Variants in QTGAL observed in about 807,000 individuals in gnomAD.
The protein encoded by QTGAL is BGnT-like protein 1.
chr17:82,970,682 A>ACCTC, the QTGAL span, among the ~76,000 whole-genome samples: 9 of 147,036 alleles, frequency 6.1e-5, no homozygotes, highest in Non-Finnish European at 1.1e-4. Flanking sequence ...CGTGGCCGTG[A>ACCTC]TGCGAGGCCT....
At chr17:82,978,490 G>A in the QTGAL span, 2 of 152,026 alleles carry the variant, frequency 1.3e-5, no homozygotes, top group Admixed American at 1.3e-4. The surrounding 1 kb of genome is among the most constrained non-coding windows in gnomAD (Gnocchi z 4.8). Context: ...AGGAATTCCG[G>A]GCTCTTCGAT....
the QTGAL span, among the ~76,000 whole-genome samples, chr17:83,044,478 A>C: frequency 6.6e-6 from 1 of 152,236 alleles, no homozygotes; most frequent in African/African-American, 2.4e-5. Flanking sequence ...AATTAAAAGG[A>C]AACCTCCTTA....
chr17:82,954,198 C>T, the QTGAL span, among the ~76,000 whole-genome samples: 2 of 152,152 alleles, frequency 1.3e-5, no homozygotes, highest in African/African-American at 4.8e-5. Flanking sequence ...GAGAGGAAGT[C>T]AAATTGTCTC....
the QTGAL span, among the ~76,000 whole-genome samples, chr17:82,982,485 C>CG: frequency 6.6e-6 from 1 of 152,094 alleles, no homozygotes; most frequent in African/African-American, 2.4e-5. Flanking sequence ...CGGAGATCCT[C>CG]TTCCCTCCCG....
the QTGAL span, among the ~76,000 whole-genome samples, chr17:82,982,736 A>C: frequency 6.6e-6 from 1 of 152,068 alleles, no homozygotes; most frequent in Non-Finnish European, 1.5e-5. Flanking sequence ...AGAAAATGTG[A>C]CTCTAAAGGC....
At chr17:83,037,369 C>T in the QTGAL span, among the ~76,000 whole-genome samples, 3 of 152,250 alleles carry the variant, frequency 2.0e-5, no homozygotes, top group Non-Finnish European at 4.4e-5. The surrounding 1 kb of genome is among the most constrained non-coding windows in gnomAD (Gnocchi z 5.2). Context: ...CGTTCTCCAA[C>T]CCGGAGCAGT....
At chr17:82,967,131 G>A in the QTGAL span, among the ~76,000 whole-genome samples, 1 of 152,178 alleles carries the variant, frequency 6.6e-6, no homozygotes, top group African/African-American at 2.4e-5. Context: ...TCTGAACTTT[G>A]CATCTGCAAA....
At chr17:83,019,555 C>T in the QTGAL span, among the ~76,000 whole-genome samples, 4 of 152,222 alleles carry the variant, frequency 2.6e-5, no homozygotes, top group South Asian at 4.2e-4. Flanking sequence ...GGCTGTTTCA[C>T]GGGGACAGAG....
the QTGAL span, chr17:83,005,732 G>A: frequency 2.1e-5 from 16 of 760,738 alleles, no homozygotes; most frequent in African/African-American, 8.6e-5. The surrounding 1 kb of genome is among the most constrained non-coding windows in gnomAD (Gnocchi z 5.6). Context: ...CCCTCTCCCC[G>A]GGCATCCAGG....
chr17:82,998,585 T>C, the QTGAL span, among the ~76,000 whole-genome samples: 1 of 152,168 alleles, frequency 6.6e-6, no homozygotes. Context: ...GACCTCATGA[T>C]CCACCCACCT....
the QTGAL span, chr17:82,981,239 A>G: frequency 6.6e-6 from 1 of 152,068 alleles, no homozygotes; most frequent in Non-Finnish European, 1.5e-5. Flanking sequence ...AGGGTGACCC[A>G]CTCCCCATGC....
chr17:82,946,966 G>A, the QTGAL span: 55 of 1,566,036 alleles, frequency 3.5e-5, no homozygotes, highest in African/African-American at 6.2e-4. Context: ...TGTCCTCAAA[G>A]GCGCCCCCTG....
At chr17:83,005,465 CCA>C in the QTGAL span, 8 of 640,862 alleles carry the variant, frequency 1.2e-5, no homozygotes, top group Middle Eastern at 2.6e-4. This position sits in a 1 kb window ranked among gnomAD's most constrained non-coding sequence, Gnocchi z 5.6. Flanking sequence ...CGGCGGTGAA[CCA>C]CAGAGCTGCC....
chr17:83,045,291 G>C, the QTGAL span, among the ~76,000 whole-genome samples: 2 of 152,224 alleles, frequency 1.3e-5, no homozygotes. Flanking sequence ...TACGTTTATG[G>C]TTAATGGATT....
chr17:82,954,976 TAACTC>T, the QTGAL span, among the ~76,000 whole-genome samples: 4 of 152,156 alleles, frequency 2.6e-5, no homozygotes, highest in Non-Finnish European at 5.9e-5. Flanking sequence ...TATGAAAAAT[TAACTC>T]AAGATGGATT....
At chr17:82,986,320 C>A in the QTGAL span, among the ~76,000 whole-genome samples, 1 of 152,202 alleles carries the variant, frequency 6.6e-6, no homozygotes, top group African/African-American at 2.4e-5. Context: ...ACCTCCACGC[C>A]CCTCCGCCCC....
At chr17:82,970,845 T>C in the QTGAL span, among the ~76,000 whole-genome samples, 1 of 152,256 alleles carries the variant, frequency 6.6e-6, no homozygotes, top group Non-Finnish European at 1.5e-5. Flanking sequence ...ATTTGGCTCA[T>C]GCTTCTGGTT....
chr17:82,979,687 A>G, the QTGAL span, among the ~76,000 whole-genome samples: 1 of 152,268 alleles, frequency 6.6e-6, no homozygotes, highest in African/African-American at 2.4e-5. Context: ...CTCTATACAA[A>G]TTGATTTGTA....
chr17:82,979,445 C>T, the QTGAL span: 1 of 152,194 alleles, frequency 6.6e-6, no homozygotes, highest in Non-Finnish European at 1.5e-5. Context: ...CTGAACAGTC[C>T]TGTAACTTTT....
Sources: gnomAD v4.1 joint callset for allele counts (sites outside exome capture counted in the v4.1 genomes callset) on GRCh38, gnomAD v4.1.1 for gene constraint, Gnocchi (gnomAD v3.1) non-coding constraint, MANE v1.5 for transcripts, NCBI Gene and HGNC (gene_info 2026-07-23, HGNC 2026-07-21) for gene names.